Variants in TOX observed in about 807,000 individuals in gnomAD.
TOX encodes thymocyte selection associated high mobility group box, also known as thymocyte selection-associated high mobility group box protein TOX.
A neutral mutation model predicts 53.7 loss-of-function variants in TOX; 11 were observed. That is an observed-to-expected ratio of 0.20 (90% CI 0.13 to 0.34). The LOEUF (loss-of-function observed/expected upper bound fraction) is 0.34. Ranked by LOEUF, TOX falls within the 10% of genes least tolerant of loss-of-function variation. TOX has a pLI of 1.00. For synonymous variants in TOX, 225 were observed against 245.3 expected (o/e 0.92, Z 0.77); for missense variants, 570 against 664.6 (o/e 0.86, Z 1.56).
chr8:58,861,216 T>C (rs1339689584), intron 3 of TOX, among the ~76,000 whole-genome samples: 1 of 152,212 alleles, frequency 6.6e-6, no homozygotes, highest in Non-Finnish European at 1.5e-5. Context: ...CTGCAGATAA[T>C]GGCAGGACAT....
At chr8:59,081,775 G>A (rs1396785349) in intron 1 of TOX, among the ~76,000 whole-genome samples, 1 of 152,042 alleles carries the variant, frequency 6.6e-6, no homozygotes, top group Non-Finnish European at 1.5e-5. Context: ...TAAAATTGAG[G>A]CAAAGGAATA....
chr8:59,021,057 T>A (rs1169764213), intron 1 of TOX, among the ~76,000 whole-genome samples: 1 of 144,424 alleles, frequency 6.9e-6, no homozygotes, highest in Non-Finnish European at 1.5e-5. Flanking sequence ...TACAGTCAGC[T>A]GTGATCATGC....
intron 1 of TOX, among the ~76,000 whole-genome samples, chr8:59,064,640 A>G (rs1415900527): frequency 3.3e-5 from 5 of 152,218 alleles, no homozygotes; most frequent in South Asian, 2.1e-4. Context: ...TCTAGGGAAC[A>G]TGAAATCACA....
At chr8:59,088,218 G>A (rs1310892607) in intron 1 of TOX, among the ~76,000 whole-genome samples, 1 of 152,194 alleles carries the variant, frequency 6.6e-6, no homozygotes, top group African/African-American at 2.4e-5. Flanking sequence ...GATTAGCAGT[G>A]TAATTTAGAC....
intron 3 of TOX, among the ~76,000 whole-genome samples, chr8:58,930,726 C>T (rs1167722339): frequency 6.6e-6 from 1 of 152,174 alleles, no homozygotes; most frequent in Non-Finnish European, 1.5e-5. Flanking sequence ...AACTGCTATC[C>T]AGAACAGGCC....
intron 1 of TOX, among the ~76,000 whole-genome samples, chr8:59,052,989 A>C (rs971376478): frequency 8.5e-5 from 13 of 152,182 alleles, no homozygotes; most frequent in African/African-American, 2.9e-4. Flanking sequence ...ATGGTTCAAG[A>C]CTTAGATAAA....
intron 1 of TOX, among the ~76,000 whole-genome samples, chr8:59,007,979 A>G (rs1230125967): frequency 6.6e-6 from 1 of 152,240 alleles, no homozygotes; most frequent in African/African-American, 2.4e-5. Flanking sequence ...TTCCATGTAC[A>G]TATCTTTGAC....
At chr8:58,821,908 G>A (rs1186481531) in intron 6 of TOX, among the ~76,000 whole-genome samples, 4 of 152,070 alleles carry the variant, frequency 2.6e-5, no homozygotes, top group East Asian at 1.9e-4. Context: ...CCTGGGATTC[G>A]AATCCAGATC....
chr8:58,944,804 A>G (rs1421899654), intron 2 of TOX, among the ~76,000 whole-genome samples: 2 of 152,230 alleles, frequency 1.3e-5, no homozygotes, highest in Non-Finnish European at 1.5e-5. Context: ...GTCATGTCCA[A>G]CAAAACAAAC....
intron 1 of TOX, among the ~76,000 whole-genome samples, chr8:59,030,446 T>C (rs1814333454): frequency 6.6e-6 from 1 of 152,326 alleles, no homozygotes; most frequent in Non-Finnish European, 1.5e-5. Context: ...TTTTATTTAA[T>C]ATTTGAAGAA....
At chr8:59,101,919 C>T (rs1287439368) in intron 1 of TOX, among the ~76,000 whole-genome samples, 2 of 152,158 alleles carry the variant, frequency 1.3e-5, no homozygotes, top group Non-Finnish European at 2.9e-5. Context: ...TACTGGGTGT[C>T]CCCTAACAAT....
At chr8:58,922,248 G>C (rs1240899007) in intron 3 of TOX, among the ~76,000 whole-genome samples, 1 of 152,192 alleles carries the variant, frequency 6.6e-6, no homozygotes, top group East Asian at 1.9e-4. Flanking sequence ...GAATTTTACA[G>C]CTCCAGGATT....
At chr8:58,853,535 G>A (rs997382845) in intron 3 of TOX, among the ~76,000 whole-genome samples, 10 of 152,108 alleles carry the variant, frequency 6.6e-5, no homozygotes, top group Non-Finnish European at 1.0e-4. Flanking sequence ...AACCCAAAGA[G>A]ATCAAATGAC....
At chr8:59,090,584 T>C (rs993473422) in intron 1 of TOX, among the ~76,000 whole-genome samples, 1 of 152,220 alleles carries the variant, frequency 6.6e-6, no homozygotes, top group African/African-American at 2.4e-5. Context: ...TGTAACTTTC[T>C]TAAGGTCATG....
chr8:58,845,230 G>A (rs948456988), intron 4 of TOX, among the ~76,000 whole-genome samples: 14 of 152,100 alleles, frequency 9.2e-5, no homozygotes, highest in Admixed American at 2.6e-4. Flanking sequence ...TGCAGTAATC[G>A]CTGTAGTTTA....
intron 1 of TOX, among the ~76,000 whole-genome samples, chr8:59,068,000 T>A (rs1009339990): frequency 1.3e-5 from 2 of 152,198 alleles, no homozygotes; most frequent in Non-Finnish European, 2.9e-5. Context: ...ATAAAGTAAC[T>A]TGTGAATATT....
At chr8:59,067,379 C>T (rs1804112796) in intron 1 of TOX, among the ~76,000 whole-genome samples, 4 of 151,976 alleles carry the variant, frequency 2.6e-5, no homozygotes. Flanking sequence ...CATGGTGAAA[C>T]CCCATCTCTA....
chr8:59,060,356 A>G lies in TOX; in HGVS notation c.102+58530T>C, dbSNP rs1260680014. 7.2e-5 allele frequency among the ~76,000 whole-genome samples: 11 copies of G among 152,334 alleles called. No homozygotes were observed. In the East Asian group the frequency reaches 1.2e-3, roughly 16 times the overall value. On this transcript the variant is annotated intron_variant, in intron 1 of 8. Transcript: ENST00000361421. ...CTATTAATATTTTATGGCTGGGCGC[A>G]GTGGCTCACGCCCGTAATCCTGGCA...
chr8:58,875,350 C>G (rs1348472508), intron 3 of TOX, among the ~76,000 whole-genome samples: 2 of 152,042 alleles, frequency 1.3e-5, no homozygotes, highest in African/African-American at 2.4e-5. Context: ...TCAAAGATCT[C>G]GAAGTTAAAG....
Sources: allele counts gnomAD v4.1 joint callset (sites outside exome capture counted in the v4.1 genomes callset), GRCh38; gene constraint gnomAD v4.1.1; transcripts MANE v1.5; gene names NCBI Gene and HGNC (gene_info 2026-07-23, HGNC 2026-07-21).